The following DSG1 variants were observed in gnomAD, a reference collection of about 807,000 sequenced individuals.
The protein encoded by DSG1 is desmoglein-1.
A neutral mutation model predicts 97.5 loss-of-function variants in DSG1; 39 were observed. That is an observed-to-expected ratio of 0.40 (90% CI 0.31 to 0.52). The LOEUF (loss-of-function observed/expected upper bound fraction) is 0.52. Among genes scored for constraint, DSG1 ranks in the 20% least tolerant of loss-of-function variants. DSG1 has a pLI of 0.53. For synonymous variants in DSG1, 475 were observed against 443.4 expected (o/e 1.07, Z -0.90); for missense variants, 1,311 against 1,295.4 (o/e 1.01, Z -0.18).
chr18:31,352,999 T>C (rs1237943288), intron 14 of DSG1, among the ~76,000 whole-genome samples: 2 of 149,872 alleles, frequency 1.3e-5, no homozygotes, highest in African/African-American at 2.5e-5. Context: ...CCAGCTTTGT[T>C]CCGTTGCTGG....
intron 14 of DSG1, 128 bp downstream of exon 14, chr18:31,346,326 G>A: frequency 3.7e-6 from 3 of 806,128 alleles, no homozygotes; most frequent in Non-Finnish European, 6.4e-6. Context: ...TAGTTTTTGT[G>A]CCCAACAATC....
In DSG1 at chr18:31,329,883, C is replaced by T; in HGVS notation, c.373-9C>T. 1 of 1,612,594 alleles carries T rather than the reference C, an allele frequency of 6.2e-7. No homozygotes were observed. Among genetic ancestry groups the T allele is most frequent in the Non-Finnish European group, 8.5e-7 (1 of 1,178,936 alleles). On this transcript the variant is annotated splice_polypyrimidine_tract_variant and intron_variant, in intron 4 of 14. Coordinates refer to ENST00000257192, the MANE Select transcript of DSG1 (RefSeq NM_001942.4). ...TTCACTGTATAATTATTTATCTTTT[C>T]TCTCCCAGATCTACTGCCGAGCTCT...
rs963271364 is a variant in DSG1, at chr18:31,333,241, T to C, written c.685-348T>C. On this transcript the variant is annotated intron_variant, in intron 6 of 14. Transcript: ENST00000257192. ...TGCTTCTTGCACACTCGGGGGCTGATTATTTAGGTTATGGAATATTCATGC... is the reference window on the plus strand; with the variant it reads ...TGCTTCTTGCACACTCGGGGGCTGACTATTTAGGTTATGGAATATTCATGC... Among the ~76,000 whole-genome samples the C allele has an allele frequency of 2.0e-5, 3 of 152,194 alleles. No individual in the cohort carries two copies. In the South Asian group the frequency reaches 6.2e-4, roughly 31 times the overall value.
In DSG1 at chr18:31,354,990, G is replaced by A. The variant is rs370600690; in HGVS notation, c.2794G>A (p.Gly932Ser). The A allele has an allele frequency of 5.0e-5, 81 of 1,614,158 alleles. No individual in the cohort carries two copies. Among genetic ancestry groups the A allele is most frequent in the African/African-American group, 2.7e-4 (20 of 75,040 alleles). ...VTERVIQPTS[G>S]MIGSLSMHPE... Reference sequence around the variant, plus strand: ...AGAAAGAGTAATCCAACCAACTTCCGGCATGATAGGTAGTCTGAGTATGCA... The same window carrying A: ...AGAAAGAGTAATCCAACCAACTTCCAGCATGATAGGTAGTCTGAGTATGCA... The change falls in exon 15 of 15, where the codon GGC (glycine) becomes AGC (serine). Residue 932 changes from glycine to serine, a missense_variant. Transcript: ENST00000257192.
chr18:31,334,407 A>C (rs2071739522), intron 8 of DSG1, among the ~76,000 whole-genome samples: 2 of 152,234 alleles, frequency 1.3e-5, no homozygotes, highest in Admixed American at 6.5e-5. Context: ...TTGAATTTTA[A>C]CTGGAGACAG....
In DSG1 at chr18:31,354,537, G is replaced by C; in HGVS notation, c.2341G>C (p.Glu781Gln). The change falls in exon 15 of 15, where the codon GAA becomes CAA. Residue 781 changes from glutamate to glutamine, a missense_variant. By Grantham distance (29) the Glu-to-Gln change is conservative. This residue lies in a region of DSG1 where 1,038 missense variants were observed against 964.6 expected (regional missense o/e 1.08). Transcript: ENST00000257192. ...TCCTTCTTGGCCACCACAAAGCACT[G>C]AACCAGTTTGCCTTCCTCAGGAAAC... ...LDPSWPPQST[E>Q]PVCLPQETEP... 6.2e-7 allele frequency: 1 copy of C among 1,614,152 alleles called. No individual in the cohort carries two copies. Among genetic ancestry groups the C allele is most frequent in the Non-Finnish European group, 8.5e-7 (1 of 1,180,020 alleles).
chr18:31,328,569 A>G (rs1470975595), intron 4 of DSG1, among the ~76,000 whole-genome samples: 1 of 152,130 alleles, frequency 6.6e-6, no homozygotes, highest in Admixed American at 6.6e-5. Flanking sequence ...TACTGTCCTC[A>G]TTGGCAAACT....
At chr18:31,334,824 A>G (rs535637674) in intron 8 of DSG1, among the ~76,000 whole-genome samples, 5 of 152,132 alleles carry the variant, frequency 3.3e-5, no homozygotes, top group African/African-American at 1.2e-4. Flanking sequence ...AATGGTCCAC[A>G]TTTACCTGCA....
chr18:31,329,554 A>T (rs560330138), intron 4 of DSG1, among the ~76,000 whole-genome samples: 1 of 152,074 alleles, frequency 6.6e-6, no homozygotes, highest in South Asian at 2.1e-4. Flanking sequence ...TTTTAGAGAC[A>T]GGGTCTCATT....
chr18:31,342,931 ACT>A (rs1452398358), intron 11 of DSG1, among the ~76,000 whole-genome samples: 4 of 142,118 alleles, frequency 2.8e-5, no homozygotes, highest in African/African-American at 1.1e-4. Flanking sequence ...AGAGGGTCTC[ACT>A]CTGTCACTCA....
At chr18:31,322,359 A>G (rs7236477) in intron 1 of DSG1, among the ~76,000 whole-genome samples, 9,781 of 152,320 alleles carry the variant, frequency 0.064, 434 homozygotes, top group South Asian at 0.13. Context: ...TTATCACGCT[A>G]TTAAACATAG....
chr18:31,330,944 C>T (rs1162741541), intron 5 of DSG1, among the ~76,000 whole-genome samples: 3 of 151,850 alleles, frequency 2.0e-5, no homozygotes, highest in African/African-American at 2.4e-5. Context: ...TGACAGATGC[C>T]ATGAAGCATT....
Position 31,331,759 on chromosome 18 carries a change from A to G in DSG1, c.576A>G (p.Ser192=). ...CAGATGAACCGAACAATTTGAACTC[A>G]AAAATAGCCTTCAAGATTATAAGAC... is the stretch of plus-strand genomic sequence containing the variant. ...TDADEPNNLN[S]KIAFKIIRQE... is the part of the protein sequence containing the mutation. Residue 192 remains serine (S), a synonymous_variant, in exon 6 of 15, where the codon TCA becomes TCG. Coordinates refer to ENST00000257192, the MANE Select transcript of DSG1 (RefSeq NM_001942.4). 1 of 1,612,894 alleles carries G rather than the reference A, an allele frequency of 6.2e-7. No homozygotes were observed. The highest frequency in any genetic ancestry group is 8.5e-7 in the Non-Finnish European group (1 of 1,179,172).
chr18:31,318,326 T>A lies in DSG1; in HGVS notation c.26T>A (p.Val9Asp). 1 of 1,613,654 alleles carries A rather than the reference T, an allele frequency of 6.2e-7. No individual in the cohort carries two copies. The highest frequency in any genetic ancestry group is 8.5e-7 in the Non-Finnish European group (1 of 1,179,544). Residue 9 changes from valine (V) to aspartate (D), a missense_variant, in exon 1 of 15, where the codon GTT becomes GAT. By Grantham distance (152) the Val-to-Asp change is radical. Around this residue, in one of 3 missense-constraint regions of DSG1, gnomAD observed 259 missense variants for 304.1 expected, o/e 0.85. Coordinates refer to ENST00000257192, the MANE Select transcript of DSG1 (RefSeq NM_001942.4). MDWSFFRV[V>D]AMLFIFLVVV... is the part of the protein sequence containing the mutation. ...ATGGACTGGAGTTTCTTCAGAGTAG[T>A]TGCAATGCTGTTCATTTTTCTGGTG...
intron 3 of DSG1, among the ~76,000 whole-genome samples, chr18:31,327,818 A>C (rs1038458205): frequency 6.6e-6 from 1 of 152,204 alleles, no homozygotes; most frequent in Non-Finnish European, 1.5e-5. Context: ...ACTCCTTAAG[A>C]GGGCAAAGAG....
chr18:31,333,836 G>A, intron 7 of DSG1, 113 bp downstream of exon 7: 1 of 1,338,660 alleles, frequency 7.5e-7, no homozygotes, highest in Middle Eastern at 2.0e-4. Flanking sequence ...CAACCCAAAT[G>A]TAGACACATA....
intron 6 of DSG1, among the ~76,000 whole-genome samples, chr18:31,332,385 T>C (rs1287766661): frequency 6.6e-6 from 1 of 152,130 alleles, no homozygotes; most frequent in Non-Finnish European, 1.5e-5. Context: ...CACCCATTCA[T>C]TTACTTTGGG....
At chr18:31,352,557 C>A (rs1278740272) in intron 14 of DSG1, among the ~76,000 whole-genome samples, 1 of 150,326 alleles carries the variant, frequency 6.7e-6, no homozygotes, top group South Asian at 2.1e-4. Flanking sequence ...TAATATCCTA[C>A]AGAGTGTTTT....
At position 31,346,028 on chromosome 18, in the gene DSG1, G is replaced by A. The variant is rs755998870; in HGVS notation, c.1930G>A (p.Asp644Asn). The change falls in exon 14 of 15, where the codon GAT becomes AAT. Residue 644 changes from aspartate (D) to asparagine (N), a missense_variant. Physicochemically the swap from Asp to Asn is conservative, Grantham distance 23. Coordinates refer to ENST00000257192, the MANE Select transcript of DSG1 (RefSeq NM_001942.4). ...TNEYGGREMQ[D>N]LGGGERMTGF... ...TGAGTATGGTGGCAGAGAAATGCAA[G>A]ATCTGGGAGGAGGAGAGAGAATGAC... The A allele has an allele frequency of 6.2e-7, 1 of 1,613,924 alleles. No homozygotes were observed. Among genetic ancestry groups the A allele is most frequent in the Admixed American group, 1.7e-5 (1 of 59,996 alleles).
Sources: allele counts gnomAD v4.1 joint callset (sites outside exome capture counted in the v4.1 genomes callset), GRCh38; gene constraint gnomAD v4.1.1; regional missense constraint gnomAD v4.1.1; transcripts MANE v1.5; gene names NCBI Gene and HGNC (gene_info 2026-07-23, HGNC 2026-07-21).